PXDN: variants seen among roughly 807,000 people sequenced by gnomAD.
PXDN encodes peroxidasin homolog.
A neutral mutation model predicts 140.3 loss-of-function variants in PXDN; 77 were observed. That is an observed-to-expected ratio of 0.55 (90% CI 0.46 to 0.66). PXDN has a LOEUF of 0.66. Among genes scored for constraint, PXDN ranks in the 30% least tolerant of loss-of-function variants. PXDN has a pLI of 0.00. For missense variants in PXDN, 1,838 were observed against 2,039.5 expected (o/e 0.90, Z 1.90); for synonymous variants, 911 against 857.4 (o/e 1.06, Z -1.09).
At chr2:1,710,042 A>C (rs1684715106) in intron 1 of PXDN, among the ~76,000 whole-genome samples, 1 of 152,174 alleles carries the variant, frequency 6.6e-6, no homozygotes, top group Non-Finnish European at 1.5e-5. Flanking sequence ...CCAGCCCACC[A>C]GAGGAGCACA....
In PXDN at chr2:1,732,252, C is replaced by G. The variant is rs1042122900; in HGVS notation, c.200+12004G>C. On this transcript the variant is annotated intron_variant, in intron 1 of 22. Coordinates refer to ENST00000252804, the MANE Select transcript of PXDN (RefSeq NM_012293.3). ...CTGAGAACCCGGGGAGGCCAGGCAGCAGACCTGGCAGGACAGAGATGGGAC... is the reference window on the plus strand; with the variant it reads ...CTGAGAACCCGGGGAGGCCAGGCAGGAGACCTGGCAGGACAGAGATGGGAC... 3.9e-5 allele frequency among the ~76,000 whole-genome samples: 6 copies of G among 152,270 alleles called. No individual in the cohort carries two copies. In the East Asian group the frequency reaches 9.7e-4, roughly 25 times the overall value.
At chr2:1,744,605 T>A, upstream of PXDN, 1 of 655,216 alleles carries the variant, frequency 1.5e-6, no homozygotes, top group Non-Finnish European at 2.1e-6. Flanking sequence ...CCGGCCCCTC[T>A]GAATCCCCGA....
In PXDN at chr2:1,648,738, G is replaced by T; in HGVS notation, c.3042C>A (p.Ile1014=). ...KLNPHWDGDT[I]YYETRKIVGA... The stretch of plus-strand genomic sequence containing the variant: ...CCACGATCTTCCTGGTCTCATAGTA[G>T]ATGGTGTCGCCGTCCCAGTGCGGGT... Residue 1014 remains isoleucine, a synonymous_variant, in exon 17 of 23, where the codon ATC becomes ATA. Coordinates refer to ENST00000252804, the MANE Select transcript of PXDN (RefSeq NM_012293.3). The surrounding 1 kb of genome is among the most constrained non-coding windows in gnomAD (Gnocchi z 8.9). The T allele has an allele frequency of 6.2e-7, 1 of 1,604,862 alleles. No homozygotes were observed. Among genetic ancestry groups the T allele is most frequent in the East Asian group, 2.3e-5 (1 of 44,376 alleles).
At chr2:1,640,137 G>A (rs1390466111) in intron 19 of PXDN, among the ~76,000 whole-genome samples, 1 of 150,094 alleles carries the variant, frequency 6.7e-6, no homozygotes, top group Non-Finnish European at 1.5e-5. Context: ...CCGGGTGAGT[G>A]AGGGGCCCTC....
intron 7 of PXDN, 103 bp downstream of exon 7, chr2:1,680,090 T>G: frequency 7.5e-7 from 1 of 1,336,478 alleles, no homozygotes; most frequent in South Asian, 1.4e-5. Flanking sequence ...TAAATGTGTG[T>G]GTGTGGTGTG....
intron 1 of PXDN, among the ~76,000 whole-genome samples, chr2:1,705,831 C>T (rs1233113269): frequency 6.6e-6 from 1 of 150,836 alleles, no homozygotes; most frequent in Non-Finnish European, 1.5e-5. Context: ...TGACCTGGGA[C>T]GCAGGGTGCA....
At chr2:1,692,711 T>C (rs990753048) in intron 2 of PXDN, 1 of 439,148 alleles carries the variant, frequency 2.3e-6, no homozygotes, top group South Asian at 1.7e-5. Flanking sequence ...ACTGTCCTGC[T>C]CAATCTTGCC....
Position 1,673,777 on chromosome 2 carries a change from T to C in PXDN, c.884A>G (p.Asn295Ser). ...ELSMKTDSRL[N>S]LLDDGTLMIQ... ...CATCAGGGTCCCATCGTCCAGCAAG[T>C]TTAGGCGGGAATCTGTCTTCATGCT... The change falls in exon 9 of 23, where the codon AAC (asparagine) becomes AGC (serine). Residue 295 changes from asparagine to serine, a missense_variant. Physicochemically the swap from Asn to Ser is conservative, Grantham distance 46. Coordinates refer to ENST00000252804, the MANE Select transcript of PXDN (RefSeq NM_012293.3). 4 of 1,613,976 alleles carry C rather than the reference T, an allele frequency of 2.5e-6. No homozygotes were observed. Among genetic ancestry groups the C allele is most frequent in the Non-Finnish European group, 2.5e-6 (3 of 1,179,882 alleles).
rs1008366244 is a variant in PXDN at position 1,639,792 on chromosome 2, C to T, written c.3953-370G>A. Among the ~76,000 whole-genome samples, 2 of 152,240 alleles carry T rather than the reference C, an allele frequency of 1.3e-5. No homozygotes were observed. Among genetic ancestry groups the T allele is most frequent in the South Asian group, 2.1e-4 (1 of 4,836 alleles). On this transcript the variant is annotated intron_variant, in intron 19 of 22. Transcript: ENST00000252804. This position sits in a 1 kb window ranked among gnomAD's most constrained non-coding sequence, Gnocchi z 5.0. ...TCTGCTGTTTCTGGGGGTCCCTCCC[C>T]GATGGCCAGATGACAATCTGCACTC...
At chr2:1,727,366 G>A (rs983734907) in intron 1 of PXDN, among the ~76,000 whole-genome samples, 2 of 152,208 alleles carry the variant, frequency 1.3e-5, no homozygotes, top group African/African-American at 4.8e-5. Flanking sequence ...AAGCCGTAAC[G>A]TAATAAGTAG....
intron 17 of PXDN, among the ~76,000 whole-genome samples, chr2:1,646,575 A>G (rs1368775012): frequency 2.0e-5 from 3 of 152,222 alleles, no homozygotes; most frequent in Non-Finnish European, 2.9e-5. Context: ...ACTGGAACAT[A>G]TTAAATTTAA....
chr2:1,692,785 G>A (rs986869762), intron 2 of PXDN, among the ~76,000 whole-genome samples: 3 of 152,188 alleles, frequency 2.0e-5, no homozygotes, highest in African/African-American at 7.2e-5. Context: ...TGATTCTAGA[G>A]CAAGTGACCC....
chr2:1,677,916 G>A (rs956724546), intron 7 of PXDN, among the ~76,000 whole-genome samples: 5 of 152,224 alleles, frequency 3.3e-5, no homozygotes, highest in African/African-American at 7.2e-5. Flanking sequence ...ACACAAGCAC[G>A]GGTACGAGTG....
chr2:1,709,734 G>A (rs1253908583), intron 1 of PXDN, among the ~76,000 whole-genome samples: 1 of 152,160 alleles, frequency 6.6e-6, no homozygotes, highest in Non-Finnish European at 1.5e-5. Flanking sequence ...TTTAGATGAG[G>A]TCCTGAGAAC....
rs963764237 is a variant in PXDN, at chr2:1,632,132, CG to C, written c.*2071del. On this transcript the variant is annotated 3_prime_UTR_variant, in exon 23 of 23. Transcript: ENST00000252804. The surrounding 1 kb of genome is among the most constrained non-coding windows in gnomAD (Gnocchi z 4.3). Reference sequence around the variant, plus strand: ...ACAGAGAGTATCAAACTGGTGATTCCGCAGACATTTTGGTTTGAATTACAGA... The same window carrying C: ...ACAGAGAGTATCAAACTGGTGATTCCCAGACATTTTGGTTTGAATTACAGA... The C allele has an allele frequency of 3.3e-5, 5 of 152,398 alleles. No homozygotes were observed. Among genetic ancestry groups the C allele is most frequent in the Admixed American group, 3.3e-4 (5 of 15,284 alleles). The allele number at this position is 152,398 out of a possible 1,614,324, so 9.4% of individuals were successfully genotyped here. A position where few individuals can be genotyped will look rare whatever the true frequency, so the allele number is the denominator to read the frequency against.
intron 1 of PXDN, among the ~76,000 whole-genome samples, chr2:1,695,317 T>C (rs1159732180): frequency 6.6e-6 from 1 of 150,942 alleles, no homozygotes; most frequent in Non-Finnish European, 1.5e-5. Context: ...TGTGCCCTGC[T>C]GGACAGAGAG....
rs560757434 is a variant in PXDN, at chr2:1,688,987, C to G, written c.345-1284G>C. Among the ~76,000 whole-genome samples, 3 of 152,206 alleles carry G rather than the reference C, an allele frequency of 2.0e-5. No individual in the cohort carries two copies. The South Asian group carries it at 6.2e-4, about 32-fold the overall frequency. On this transcript the variant is annotated intron_variant, in intron 3 of 22. Coordinates refer to ENST00000252804, the MANE Select transcript of PXDN (RefSeq NM_012293.3). ...GTGGCTCTCACGTCCTCCCTCCCTG[C>G]GAATTTGCAGAGCTGACCTCATAAA... is the stretch of plus-strand genomic sequence containing the variant.
intron 3 of PXDN, among the ~76,000 whole-genome samples, chr2:1,691,499 G>A (rs1221187086): frequency 2.0e-5 from 3 of 152,170 alleles, no homozygotes; most frequent in South Asian, 2.1e-4. Context: ...ACACTCCACC[G>A]GGGTTAGTTA....
Position 1,665,073 on chromosome 2 carries a change from A to T in PXDN, c.1293T>A (p.Ala431=). The change falls in exon 11 of 23, where the codon GCT becomes GCA. Residue 431 remains alanine, a splice_region_variant and synonymous_variant. Coordinates refer to ENST00000252804, the MANE Select transcript of PXDN (RefSeq NM_012293.3). The part of the protein sequence containing the change: ...VHATAFIIVQ[A]LPQFTVTPQD... ...GAGGCGTCACAGTGAACTGAGGAAG[A>T]GCTTCCGGAGAGAAAGCATTCAAAA... The T allele has an allele frequency of 6.3e-7, 1 of 1,590,858 alleles. No homozygotes were observed.
Sources: gnomAD v4.1 joint callset for allele counts (sites outside exome capture counted in the v4.1 genomes callset) on GRCh38, gnomAD v4.1.1 for gene constraint, Gnocchi (gnomAD v3.1) non-coding constraint, MANE v1.5 for transcripts, NCBI Gene and HGNC (gene_info 2026-07-23, HGNC 2026-07-21) for gene names.